The following ZNF385D variants were observed in gnomAD, a reference collection of about 807,000 sequenced individuals.
ZNF385D encodes zinc finger protein 659.
ZNF385D carries 15 observed loss-of-function variants against 35.8 expected under a neutral mutation model. The observed-to-expected ratio is 0.42, with a 90% CI of 0.28 to 0.64. The LOEUF is 0.64. Among genes scored for constraint, ZNF385D ranks in the 30% least tolerant of loss-of-function variants. ZNF385D has a pLI of 0.23. For missense variants in ZNF385D, 474 were observed against 494.6 expected, an observed-to-expected ratio of 0.96 and a Z score of 0.39; for synonymous variants, 212 against 186.8, an observed-to-expected ratio of 1.13 and a Z score of -1.10.
At chr3:22,120,890 A>G (rs570158983) in intron 3 of ZNF385D, among the ~76,000 whole-genome samples, 1 of 152,298 alleles carries the variant, frequency 6.6e-6, no homozygotes, top group East Asian at 1.9e-4. Context: ...ATGACTTTTA[A>G]TGGCAGAAGA....
At chr3:21,571,652 A>G (rs1264002433) in intron 2 of ZNF385D, among the ~76,000 whole-genome samples, 1 of 152,184 alleles carries the variant, frequency 6.6e-6, no homozygotes, top group Non-Finnish European at 1.5e-5. Flanking sequence ...ACCAGTCACA[A>G]GTTTGAGGGT....
intron 3 of ZNF385D, chr3:22,134,068 A>C (rs974812116): frequency 3.9e-5 from 6 of 152,172 alleles, no homozygotes; most frequent in Non-Finnish European, 7.3e-5. Flanking sequence ...CAATTTATAG[A>C]CTTAAATACT....
chr3:22,139,099 A>T (rs191068762), intron 3 of ZNF385D, among the ~76,000 whole-genome samples: 1 of 144,248 alleles, frequency 6.9e-6, no homozygotes, highest in Non-Finnish European at 1.5e-5. Flanking sequence ...GGCCATCATT[A>T]AAAAGTCAGG....
chr3:21,425,660 G>A lies in ZNF385D; in HGVS notation c.684C>T (p.His228=), dbSNP rs1055133780. 1.3e-6 allele frequency: 2 copies of A among 1,585,030 alleles called. No homozygotes were observed. The highest frequency in any genetic ancestry group is 1.4e-5 in the African/African-American group (1 of 73,652). ...QLEAHNSGTK[H]KTMLEARNGS... is the part of the protein sequence containing the mutation. ...CATTCCGGGCTTCTAACATGGTTTT[G>A]TGCTTAGTACCTGTCAGGAATATTG... The change falls in exon 6 of 8, where the codon CAC becomes CAT. Residue 228 remains histidine (H), a synonymous_variant. Transcript: ENST00000281523.
intron 3 of ZNF385D, among the ~76,000 whole-genome samples, chr3:22,151,781 G>A (rs1263059083): frequency 1.3e-5 from 2 of 152,026 alleles, no homozygotes; most frequent in African/African-American, 4.8e-5. Flanking sequence ...GGGTGTCATG[G>A]CATAAAATTA....
intron 3 of ZNF385D, among the ~76,000 whole-genome samples, chr3:21,841,613 C>A (rs1044593888): frequency 1.7e-4 from 26 of 151,852 alleles, no homozygotes; most frequent in Non-Finnish European, 4.4e-5. Flanking sequence ...CTGTTTATGT[C>A]CATTCAATCG....
intron 2 of ZNF385D, among the ~76,000 whole-genome samples, chr3:21,582,069 A>G (rs568130041): frequency 6.6e-6 from 1 of 152,328 alleles, no homozygotes; most frequent in African/African-American, 2.4e-5. Context: ...CTCATTTTAC[A>G]GAAAAGGAAA....
At position 22,082,997 on chromosome 3, in the gene ZNF385D, A is replaced by G. The variant is rs562615886; in HGVS notation, c.325+85820T>C. 7.2e-5 allele frequency among the ~76,000 whole-genome samples: 11 copies of G among 152,328 alleles called. No homozygotes were observed. The South Asian group carries it at 2.3e-3, about 32-fold the overall frequency. ...TGCAGCTGAGGATGCTGACTGTTAG[A>G]AGAAAAACTTAACAAACAGAAAGGA... On this transcript the variant is annotated intron_variant, in intron 3 of 5. Coordinates refer to the ZNF385D transcript ENST00000494108.
chr3:22,001,270 T>C (rs1381236744), intron 3 of ZNF385D, among the ~76,000 whole-genome samples: 1 of 151,962 alleles, frequency 6.6e-6, no homozygotes, highest in East Asian at 1.9e-4. Context: ...TAGACACATA[T>C]GGACTGAAAG....
At chr3:21,988,216 C>T (rs1459258070) in intron 3 of ZNF385D, among the ~76,000 whole-genome samples, 2 of 128,328 alleles carry the variant, frequency 1.6e-5, no homozygotes, top group African/African-American at 2.8e-5. Context: ...TGGTGAGGAA[C>T]TGCGTTCCTT....
intron 3 of ZNF385D, among the ~76,000 whole-genome samples, chr3:21,991,227 T>G (rs901347858): frequency 6.6e-6 from 1 of 152,218 alleles, no homozygotes; most frequent in Non-Finnish European, 1.5e-5. Flanking sequence ...GCTGGCATTT[T>G]AGATGGAAAG....
chr3:21,725,430 C>T (rs576331528), intron 1 of ZNF385D, among the ~76,000 whole-genome samples: 17 of 151,946 alleles, frequency 1.1e-4, no homozygotes, highest in South Asian at 4.2e-4. Context: ...ATAGATAGAC[C>T]GCTAGCCAGA....
intron 3 of ZNF385D, among the ~76,000 whole-genome samples, chr3:21,976,350 AG>A (rs768533667): frequency 4.6e-5 from 7 of 152,242 alleles, no homozygotes; most frequent in Non-Finnish European, 7.3e-5. Flanking sequence ...AATATAAAAT[AG>A]TTTTGATTAG....
At chr3:22,324,696 A>C (rs968523209) in intron 2 of ZNF385D, among the ~76,000 whole-genome samples, 8 of 152,206 alleles carry the variant, frequency 5.3e-5, no homozygotes, top group African/African-American at 1.9e-4. Context: ...TAATTCTAAA[A>C]TGCACTTGGA....
intron 2 of ZNF385D, among the ~76,000 whole-genome samples, chr3:22,320,003 C>T (rs911665357): frequency 6.6e-6 from 1 of 151,894 alleles, no homozygotes; most frequent in African/African-American, 2.4e-5. Flanking sequence ...AAGAGTGACC[C>T]CTGCCTTGGA....
rs561945179 is a variant in ZNF385D, at chr3:21,855,683, G to A, written c.326-190655C>T. 7.2e-5 allele frequency among the ~76,000 whole-genome samples: 11 copies of A among 152,006 alleles called. No homozygotes were observed. In the East Asian group the frequency reaches 1.4e-3, roughly 19 times the overall value. On this transcript the variant is annotated intron_variant, in intron 3 of 5. Transcript: ENST00000494108. ...TCTCCATTTAGTCTACCCCCAAAAT[G>A]TTTACTTAACTGTTTGTGCTAAAAG...
chr3:21,890,110 C>T (rs1698772463), intron 3 of ZNF385D, among the ~76,000 whole-genome samples: 3 of 152,098 alleles, frequency 2.0e-5, no homozygotes, highest in Admixed American at 6.6e-5. Context: ...TGGCTTCAAA[C>T]ATATATATAT....
intron 1 of ZNF385D, among the ~76,000 whole-genome samples, chr3:21,714,902 T>C (rs1004033182): frequency 6.6e-6 from 1 of 152,172 alleles, no homozygotes; most frequent in South Asian, 2.1e-4. Flanking sequence ...GTTACTAAAA[T>C]GTAACAGATG....
chr3:21,464,106 A>G (rs1703354953), intron 4 of ZNF385D, among the ~76,000 whole-genome samples: 1 of 152,234 alleles, frequency 6.6e-6, no homozygotes, highest in South Asian at 2.1e-4. Flanking sequence ...TCTCCCCAGA[A>G]CAAATATTTT....
Sources: allele counts gnomAD v4.1 joint callset (sites outside exome capture counted in the v4.1 genomes callset), GRCh38; gene constraint gnomAD v4.1.1; transcripts MANE v1.5; gene names NCBI Gene and HGNC (gene_info 2026-07-23, HGNC 2026-07-21).